Variants in KIF16B observed in about 807,000 individuals in gnomAD.
KIF16B encodes the protein kinesin-like protein KIF16B.
KIF16B carries 98 observed loss-of-function variants against 156.3 expected under a neutral mutation model. That is an observed-to-expected ratio of 0.63 (90% CI 0.53 to 0.74). KIF16B has a LOEUF of 0.74. KIF16B is among the 30% of genes least tolerant of loss of function. KIF16B has a pLI of 0.00. For missense variants in KIF16B, 1,421 were observed against 1,606.5 expected (o/e 0.88, Z 1.97); for synonymous variants, 564 against 583.7 (o/e 0.97, Z 0.49).
intron 12 of KIF16B, among the ~76,000 whole-genome samples, chr20:16,466,503 G>C (rs1025540044): frequency 1.3e-5 from 2 of 152,106 alleles, no homozygotes; most frequent in African/African-American, 4.8e-5. Flanking sequence ...TTCTCTTGAC[G>C]GTGAATAAGT....
At chr20:16,348,757 G>A (rs1205294148) in intron 23 of KIF16B, among the ~76,000 whole-genome samples, 1 of 152,200 alleles carries the variant, frequency 6.6e-6, no homozygotes. Flanking sequence ...AGTAGCCTGT[G>A]AGGTACAACA....
intron 22 of KIF16B, among the ~76,000 whole-genome samples, chr20:16,365,588 C>T (rs924358519): frequency 6.6e-6 from 1 of 152,142 alleles, no homozygotes. Context: ...GTCTGCAACA[C>T]TAGGTAGAGG....
intron 13 of KIF16B, 109 bp from the exon 14 acceptor site, chr20:16,429,113 A>G: frequency 1.1e-6 from 1 of 899,352 alleles, no homozygotes. Context: ...GATGAACAAC[A>G]TCCTGGCAGG....
intron 12 of KIF16B, among the ~76,000 whole-genome samples, chr20:16,454,789 C>T (rs762314376): frequency 2.6e-5 from 4 of 151,966 alleles, no homozygotes; most frequent in Non-Finnish European, 4.4e-5. Flanking sequence ...ATTATGAAAT[C>T]GAATAAATAC....
chr20:16,381,540 A>C (rs2065096089), intron 18 of KIF16B, among the ~76,000 whole-genome samples, 154 bp downstream of exon 18: 1 of 152,068 alleles, frequency 6.6e-6, no homozygotes, highest in African/African-American at 2.4e-5. Flanking sequence ...AAAAAAAAAA[A>C]AAAAGACCTG....
chr20:16,510,815 C>T (rs1282145178), intron 6 of KIF16B, among the ~76,000 whole-genome samples: 1 of 152,196 alleles, frequency 6.6e-6, no homozygotes, highest in Non-Finnish European at 1.5e-5. Context: ...ATGTGCGATT[C>T]CTGCAGTCCA....
intron 12 of KIF16B, among the ~76,000 whole-genome samples, chr20:16,486,075 G>A (rs563812405): frequency 6.8e-4 from 103 of 152,216 alleles, no homozygotes; most frequent in Admixed American, 2.3e-3. Context: ...TTTTAGGCCC[G>A]TTTTGTTAGA....
chr20:16,335,039 T>C (rs2064011650), intron 24 of KIF16B, among the ~76,000 whole-genome samples: 1 of 152,212 alleles, frequency 6.6e-6, no homozygotes, highest in African/African-American at 2.4e-5. Flanking sequence ...GTGGAAGCCA[T>C]GAGAATGTTA....
In KIF16B at chr20:16,504,543, A is replaced by C. The variant is rs770741299; in HGVS notation, c.1005T>G (p.Ile335Met). Residue 335 changes from isoleucine to methionine, a missense_variant, in exon 10 of 26, where the codon ATT becomes ATG. Transcript: ENST00000354981. ...CTCCATAATTGACATCAGCAGGTGA[A>C]ATGGCTGTGAAGAATGTATTCAAAA... ...GNSKTIMIAT[I>M]SPADVNYGET... 2.5e-6 allele frequency: 4 copies of C among 1,612,976 alleles called. No homozygotes were observed. Among genetic ancestry groups the C allele is most frequent in the Non-Finnish European group, 3.4e-6 (4 of 1,179,110 alleles).
At chr20:16,473,467 T>C (rs1412062744) in intron 12 of KIF16B, among the ~76,000 whole-genome samples, 1 of 152,178 alleles carries the variant, frequency 6.6e-6, no homozygotes, top group African/African-American at 2.4e-5. Flanking sequence ...GGAGGATACA[T>C]ATTAAACATA....
intron 24 of KIF16B, among the ~76,000 whole-genome samples, chr20:16,335,283 T>G (rs994179238): frequency 6.6e-6 from 1 of 152,216 alleles, no homozygotes; most frequent in African/African-American, 2.4e-5. Context: ...TCATCATTAC[T>G]TGGAAAACAC....
intron 25 of KIF16B, among the ~76,000 whole-genome samples, chr20:16,302,155 ATGAATCATG>A (rs2063481275): frequency 6.6e-6 from 1 of 152,128 alleles, no homozygotes; most frequent in East Asian, 1.9e-4. Context: ...TATTTATTTT[ATGAATCATG>A]TCACTGGTGT....
chr20:16,451,783 T>C (rs189711527), intron 12 of KIF16B, among the ~76,000 whole-genome samples: 1 of 151,692 alleles, frequency 6.6e-6, no homozygotes, highest in Non-Finnish European at 1.5e-5. Flanking sequence ...ACTTTTTTTT[T>C]ATTCAGGCCT....
At chr20:16,330,830 C>T in intron 24 of KIF16B, among the ~76,000 whole-genome samples, 1 of 152,328 alleles carries the variant, frequency 6.6e-6, no homozygotes, top group African/African-American at 2.4e-5. Context: ...AGAAATTCTG[C>T]CTATGGAGTT....
chr20:16,482,772 C>T (rs2068015558), intron 12 of KIF16B, among the ~76,000 whole-genome samples: 1 of 152,050 alleles, frequency 6.6e-6, no homozygotes, highest in Admixed American at 6.6e-5. Context: ...TCCTGTTTGC[C>T]TTGAATATAT....
At chr20:16,312,038 C>A (rs1012225684) in intron 25 of KIF16B, among the ~76,000 whole-genome samples, 3 of 152,202 alleles carry the variant, frequency 2.0e-5, no homozygotes, top group Non-Finnish European at 4.4e-5. Context: ...GTATCACATA[C>A]CATCTGTCTA....
At chr20:16,547,331 C>T (rs1468699875) in intron 1 of KIF16B, among the ~76,000 whole-genome samples, 1 of 152,226 alleles carries the variant, frequency 6.6e-6, no homozygotes, top group Non-Finnish European at 1.5e-5. Flanking sequence ...TATCATGGCT[C>T]ATGCCCTTAG....
At chr20:16,327,167 T>C (rs367983214) in intron 24 of KIF16B, among the ~76,000 whole-genome samples, 18 of 151,500 alleles carry the variant, frequency 1.2e-4, no homozygotes, top group African/African-American at 4.1e-4. Flanking sequence ...CTGGATGGAA[T>C]TGGAGACCAT....
chr20:16,496,228 C>T (rs905178799), intron 11 of KIF16B, among the ~76,000 whole-genome samples: 1 of 152,182 alleles, frequency 6.6e-6, no homozygotes, highest in Non-Finnish European at 1.5e-5. Context: ...AATTTATACT[C>T]ATCAGTTAAC....
Sources: allele counts gnomAD v4.1 joint callset (sites outside exome capture counted in the v4.1 genomes callset), GRCh38; gene constraint gnomAD v4.1.1; transcripts MANE v1.5; gene names NCBI Gene and HGNC (gene_info 2026-07-23, HGNC 2026-07-21).